The following LCT variants were observed in gnomAD, a reference collection of about 807,000 sequenced individuals.
LCT encodes lactase.
Under a neutral mutation model 173.0 loss-of-function variants are expected in LCT, and 90 were observed. That is an observed-to-expected ratio of 0.52 (90% CI 0.44 to 0.62). The LOEUF (loss-of-function observed/expected upper bound fraction) is 0.62. Among genes scored for constraint, LCT ranks in the 20% least tolerant of loss-of-function variants. The pLI is 0.00. For missense variants in LCT, 1,864 were observed against 2,431.4 expected (o/e 0.77, Z 4.91); for synonymous variants, 853 against 957.6 (o/e 0.89, Z 2.02).
chr2:135,829,433 C>G (rs1168084846), intron 3 of LCT, among the ~76,000 whole-genome samples, 160 bp downstream of exon 3: 2 of 152,160 alleles, frequency 1.3e-5, no homozygotes, highest in Non-Finnish European at 2.9e-5. Context: ...CCGATGTTCT[C>G]TAGGGATGCT....
In LCT at chr2:135,796,783, C is replaced by T. The variant is rs1407660187; in HGVS notation, c.4976+1246G>A. On this transcript the variant is annotated intron_variant, in intron 13 of 16. Coordinates refer to ENST00000264162, the MANE Select transcript of LCT (RefSeq NM_002299.4). ...TGGACCCCTCCCCCTGGCCCTGGCTCGGGCAAATGGTAGGTGCTCGGCAAA... is the reference window on the plus strand; with the variant it reads ...TGGACCCCTCCCCCTGGCCCTGGCTTGGGCAAATGGTAGGTGCTCGGCAAA... Among the ~76,000 whole-genome samples the T allele has an allele frequency of 2.6e-5, 4 of 152,188 alleles. No homozygotes were observed. In the East Asian group the frequency reaches 5.8e-4, roughly 22 times the overall value.
chr2:135,835,025 G>A (rs1236814932), intron 1 of LCT, among the ~76,000 whole-genome samples: 1 of 151,972 alleles, frequency 6.6e-6, no homozygotes, highest in Non-Finnish European at 1.5e-5. Context: ...CTTAAAGAAT[G>A]CAGATCTTTT....
chr2:135,798,481 C>T (rs2077600329), intron 12 of LCT, among the ~76,000 whole-genome samples: 1 of 152,240 alleles, frequency 6.6e-6, no homozygotes, highest in South Asian at 2.1e-4. Flanking sequence ...GGAGAACCCA[C>T]AAGCCTCCAG....
In LCT at chr2:135,824,115, G is replaced by C. The variant is rs3820791; in HGVS notation, c.805-112C>G. On this transcript the variant is annotated intron_variant, in intron 3 of 16. Transcript: ENST00000264162. ...TGGCACTTACTCTGGCTTTGGAAATGACCTCTAAGTATCTCAGTTAATTAA... is the reference window on the plus strand; with the variant it reads ...TGGCACTTACTCTGGCTTTGGAAATCACCTCTAAGTATCTCAGTTAATTAA... 0.036 allele frequency: 26,819 copies of C among 745,080 alleles called. 839 individuals are homozygous for C. The highest frequency in any genetic ancestry group is 0.12 in the African/African-American group (6,746 of 57,920). The allele number at this position is 745,080 out of a possible 1,614,324, so 46.2% of individuals were successfully genotyped here.
intron 14 of LCT, among the ~76,000 whole-genome samples, chr2:135,791,280 C>CTT: frequency 6.6e-6 from 1 of 152,368 alleles, no homozygotes; most frequent in South Asian, 2.1e-4. Flanking sequence ...TCCCCCAAGT[C>CTT]ACCCATGTCT....
chr2:135,820,861 C>G (rs946342825), intron 5 of LCT, among the ~76,000 whole-genome samples: 2 of 151,958 alleles, frequency 1.3e-5, no homozygotes, highest in African/African-American at 4.8e-5. Context: ...TAATTATGGG[C>G]ACAACCTCAA....
At chr2:135,825,770 G>A (rs1405214869) in intron 3 of LCT, among the ~76,000 whole-genome samples, 2 of 152,234 alleles carry the variant, frequency 1.3e-5, no homozygotes, top group Non-Finnish European at 2.9e-5. Flanking sequence ...TCCGGGGAGA[G>A]GGTGGGAATG....
intron 9 of LCT, among the ~76,000 whole-genome samples, chr2:135,806,463 C>A (rs184557774): frequency 2.8e-4 from 43 of 152,318 alleles, no homozygotes; most frequent in African/African-American, 9.1e-4. Flanking sequence ...CAGTAGTGTA[C>A]AGTAATGCCT....
chr2:135,805,054 C>T lies in LCT; in HGVS notation c.4177G>A (p.Glu1393Lys). ...TTGCCATCTGCTCTCCACGCACCTT[C>T]AATCTCAAGATGACAAGACATGGTC... ...WSAASAAYQI[E>K]GAWRADGKGL... is the part of the protein sequence containing the mutation. The change falls in exon 10 of 17, where the codon GAA (glutamate) becomes AAA (lysine). Residue 1393 changes from glutamate (E) to lysine (K), a missense_variant. Physicochemically the swap from Glu to Lys is moderately conservative, Grantham distance 56 (BLOSUM62 1). Around this residue, in one of 4 missense-constraint regions of LCT, gnomAD observed 514 missense variants for 750.1 expected, o/e 0.69. Coordinates refer to ENST00000264162, the MANE Select transcript of LCT (RefSeq NM_002299.4). The T allele has an allele frequency of 6.2e-7, 1 of 1,614,160 alleles. No homozygotes were observed. Among genetic ancestry groups the T allele is most frequent in the Non-Finnish European group, 8.5e-7 (1 of 1,179,990 alleles).
At chr2:135,823,805 C>G (rs2077858363) in intron 4 of LCT, 96 bp downstream of exon 4, 3 of 825,870 alleles carry the variant, frequency 3.6e-6, no homozygotes, top group Non-Finnish European at 4.2e-6. Context: ...CTCCCATGCT[C>G]CTCCTCCCAT....
At position 135,822,058 on chromosome 2, in the gene LCT, A is replaced by C. The variant is rs756598710; in HGVS notation, c.948T>G (p.Ile316Met). 5.6e-6 allele frequency: 9 copies of C among 1,609,556 alleles called. No homozygotes were observed. The Middle Eastern group carries it at 9.9e-4, about 177-fold the overall frequency. The change falls in exon 5 of 17, where the codon ATT (isoleucine) becomes ATG (methionine). Residue 316 changes from isoleucine to methionine, a missense_variant. By Grantham distance (10) the Ile-to-Met change is conservative. Around this residue, in one of 4 missense-constraint regions of LCT, gnomAD observed 412 missense variants for 462.0 expected, o/e 0.89. Transcript: ENST00000264162. ...KDQVLTIGFD[I>M]NEFLSCSSSS... ...TTGATGAACAACTCAGAAACTCATTAATATCAAACCCAATGGTGAGCACTT... is the reference window on the plus strand; with the variant it reads ...TTGATGAACAACTCAGAAACTCATTCATATCAAACCCAATGGTGAGCACTT...
chr2:135,802,158 C>T (rs1019295696), intron 11 of LCT, among the ~76,000 whole-genome samples: 2 of 152,134 alleles, frequency 1.3e-5, no homozygotes, highest in Non-Finnish European at 2.9e-5. Context: ...AATGGAGATG[C>T]CTCTGATAAC....
At chr2:135,829,285 T>C (rs11900215) in intron 3 of LCT, among the ~76,000 whole-genome samples, 2,756 of 152,092 alleles carry the variant, frequency 0.018, 73 homozygotes, top group African/African-American at 0.062. Flanking sequence ...CATTGATGAG[T>C]TGCCTTTTTA....
rs544245220 is a variant in LCT, at chr2:135,827,534, C to T, written c.804+2059G>A. ...CATTCTTGGCACCAGGGACCGGTTT[C>T]GTGGAAGACAATTTTTCCACAGACT... On this transcript the variant is annotated intron_variant, in intron 3 of 16. Transcript: ENST00000264162. 4.6e-5 allele frequency among the ~76,000 whole-genome samples: 7 copies of T among 151,296 alleles called. No individual in the cohort carries two copies. The East Asian group carries it at 1.2e-3, about 25-fold the overall frequency.
intron 3 of LCT, among the ~76,000 whole-genome samples, chr2:135,826,739 T>C (rs934768995): frequency 2.0e-5 from 3 of 152,118 alleles, no homozygotes; most frequent in Non-Finnish European, 2.9e-5. Flanking sequence ...AGCTCTGGTT[T>C]AATTCCATGA....
At chr2:135,794,453 G>A (rs902241670) in intron 14 of LCT, 188 bp downstream of exon 14, 29 of 654,994 alleles carry the variant, frequency 4.4e-5, no homozygotes, top group Non-Finnish European at 5.4e-5. Flanking sequence ...TGGAGACCCC[G>A]GCCTTCTCTC....
At chr2:135,794,273 T>A (rs1313583162) in intron 14 of LCT, 3 of 200,942 alleles carry the variant, frequency 1.5e-5, no homozygotes, top group African/African-American at 7.0e-5. Context: ...TTATTAATAT[T>A]AAAGCGAATT....
chr2:135,835,976 G>GTGTATA lies in LCT; in HGVS notation c.640+553_640+554insTATACA, dbSNP rs1553436126. On this transcript the variant is annotated intron_variant, in intron 1 of 16. Coordinates refer to ENST00000264162, the MANE Select transcript of LCT (RefSeq NM_002299.4). ...AGGGGTATTTCAAAAATACATGTGT[G>GTGTATA]TATATATATATATATATATATATAT... Among the ~76,000 whole-genome samples the GTGTATA allele has an allele frequency of 1.6e-3, 126 of 80,284 alleles. 1 individual carries two copies. The highest frequency in any genetic ancestry group is 3.7e-3 in the East Asian group (8 of 2,152). The allele number at this position is 80,284 out of a possible 152,430, so 52.7% of individuals were successfully genotyped here.
intron 5 of LCT, among the ~76,000 whole-genome samples, chr2:135,820,028 A>G (rs1575344609): frequency 6.6e-6 from 1 of 152,126 alleles, no homozygotes; most frequent in South Asian, 2.1e-4. Context: ...TCCCTTTTTT[A>G]GGGTGCAGTG....
Sources: gnomAD v4.1 joint callset for allele counts (sites outside exome capture counted in the v4.1 genomes callset) on GRCh38, gnomAD v4.1.1 for gene constraint, gnomAD v4.1.1 regional missense constraint, MANE v1.5 for transcripts, NCBI Gene and HGNC (gene_info 2026-07-23, HGNC 2026-07-21) for gene names.